Variants in UGGT2 observed in about 807,000 individuals in gnomAD.
UGGT2 encodes UDP-glucose:glycoprotein glucosyltransferase 2.
In UGGT2, 180 loss-of-function variants were observed where a neutral mutation model predicts 192.1. The observed-to-expected ratio is 0.94, with a 90% CI of 0.83 to 1.06. The LOEUF (loss-of-function observed/expected upper bound fraction) is 1.06. Among genes scored for constraint, UGGT2 ranks in the 50% least tolerant of loss-of-function variants. The pLI is 0.00. For missense variants in UGGT2, 1,849 were observed against 1,795.7 expected (o/e 1.03, Z -0.54); for synonymous variants, 580 against 591.0 (o/e 0.98, Z 0.27).
intron 4 of UGGT2, among the ~76,000 whole-genome samples, chr13:96,013,868 T>C (rs1566825317): frequency 6.6e-6 from 1 of 152,142 alleles, no homozygotes; most frequent in Non-Finnish European, 1.5e-5. Context: ...TACTACCTTA[T>C]TCAAAGACTA....
intron 15 of UGGT2, among the ~76,000 whole-genome samples, chr13:95,944,295 A>G (rs1326817553): frequency 1.3e-5 from 2 of 151,986 alleles, no homozygotes; most frequent in African/African-American, 4.8e-5. Flanking sequence ...TCTATTCTCT[A>G]AAAGATATTT....
chr13:95,940,314 T>C (rs2049625584), intron 15 of UGGT2, among the ~76,000 whole-genome samples: 1 of 151,946 alleles, frequency 6.6e-6, no homozygotes, highest in African/African-American at 2.4e-5. Flanking sequence ...ATTTATGTTT[T>C]ACTCTATTTT....
chr13:95,861,263 G>A (rs1287855808), intron 31 of UGGT2, among the ~76,000 whole-genome samples: 3 of 152,014 alleles, frequency 2.0e-5, no homozygotes, highest in African/African-American at 4.8e-5. Flanking sequence ...GTGGAACTAC[G>A]GCACAGCAAG....
At chr13:96,027,992 T>G (rs1370395297) in intron 2 of UGGT2, among the ~76,000 whole-genome samples, 1 of 152,226 alleles carries the variant, frequency 6.6e-6, no homozygotes, top group Non-Finnish European at 1.5e-5. Context: ...CAGGTACTCT[T>G]CCTTAGTCTC....
At chr13:95,888,043 G>T in intron 25 of UGGT2, 72 bp from the exon 26 acceptor site, 1 of 1,010,252 alleles carries the variant, frequency 9.9e-7, no homozygotes, top group Non-Finnish European at 1.5e-6. Context: ...TATTTACTAT[G>T]TACCAGGTAC....
chr13:95,813,203 G>C (rs769057656), intron 38 of UGGT2, among the ~76,000 whole-genome samples: 1 of 152,098 alleles, frequency 6.6e-6, no homozygotes, highest in Non-Finnish European at 1.5e-5. Flanking sequence ...AGTTTGGAGG[G>C]CTCAAAAGAA....
rs550816553 is a variant in UGGT2, at chr13:95,816,583, T to C, written c.4529-14771A>G. 8.5e-5 allele frequency among the ~76,000 whole-genome samples: 13 copies of C among 152,338 alleles called. No individual in the cohort carries two copies. In the South Asian group the frequency reaches 2.3e-3, roughly 27 times the overall value. On this transcript the variant is annotated intron_variant, in intron 38 of 38. Transcript: ENST00000376747. The stretch of plus-strand genomic sequence containing the variant: ...AATAAAAAGGAATAATCTACTGATA[T>C]ATTCAACAACATGATAAGTCTTTGG...
chr13:96,049,048 A>G (rs976440897), intron 1 of UGGT2, among the ~76,000 whole-genome samples: 1 of 152,352 alleles, frequency 6.6e-6, no homozygotes, highest in South Asian at 2.1e-4. Context: ...ATTTTAGACC[A>G]ATATCCCTGA....
intron 36 of UGGT2, among the ~76,000 whole-genome samples, chr13:95,845,377 C>A (rs1888296827): frequency 2.4e-5 from 1 of 42,184 alleles, no homozygotes; most frequent in Non-Finnish European, 6.8e-5. Context: ...GTGGTGATGA[C>A]TGGTATGCTG....
intron 38 of UGGT2, among the ~76,000 whole-genome samples, chr13:95,817,964 T>A (rs914427285): frequency 2.8e-4 from 43 of 152,274 alleles, no homozygotes; most frequent in Admixed American, 2.6e-4. Context: ...ATAAAAATTA[T>A]AATAAAAGTC....
intron 36 of UGGT2, among the ~76,000 whole-genome samples, chr13:95,850,966 T>G (rs1279175399): frequency 6.6e-6 from 1 of 152,218 alleles, no homozygotes; most frequent in East Asian, 1.9e-4. Context: ...TATGAAGGAA[T>G]AAAGACTTGC....
chr13:95,819,547 T>C, intron 38 of UGGT2, among the ~76,000 whole-genome samples: 1 of 148,274 alleles, frequency 6.7e-6, no homozygotes, highest in South Asian at 2.1e-4. Flanking sequence ...TATATGTATG[T>C]ATGTATCTAT....
Position 95,837,173 on chromosome 13 carries a change from G to T in UGGT2, c.4314C>A (p.Val1438=). 1 of 1,613,794 alleles carries T rather than the reference G, an allele frequency of 6.2e-7. No homozygotes were observed. Among genetic ancestry groups the T allele is most frequent in the Non-Finnish European group, 8.5e-7 (1 of 1,179,780 alleles). The stretch of plus-strand genomic sequence containing the variant: ...AGTCTTGAGGAAGAGACTTAATGGC[G>T]ACTTGGTAAATCATATTATTGGGGA... ...QDLPNNMIYQ[V]AIKSLPQDWL... Residue 1438 remains valine, a synonymous_variant, in exon 37 of 39, where the codon GTC becomes GTA. Transcript: ENST00000376747.
intron 38 of UGGT2, among the ~76,000 whole-genome samples, chr13:95,803,551 T>C (rs1249447474): frequency 1.3e-5 from 2 of 152,208 alleles, no homozygotes; most frequent in African/African-American, 4.8e-5. Flanking sequence ...TGATTCACCG[T>C]GCCCGGCCGA....
chr13:95,864,565 C>A (rs1448511999), intron 30 of UGGT2, among the ~76,000 whole-genome samples: 1 of 152,168 alleles, frequency 6.6e-6, no homozygotes, highest in Admixed American at 6.5e-5. Context: ...TACATTCCAC[C>A]AGCAGAGAAC....
chr13:95,845,379 G>C (rs200469015), intron 36 of UGGT2, among the ~76,000 whole-genome samples: 63 of 32,800 alleles, frequency 1.9e-3, no homozygotes, highest in Admixed American at 3.0e-3. Flanking sequence ...GGTGATGACT[G>C]GTATGCTGCC....
At chr13:95,994,756 G>A (rs1483085541) in intron 7 of UGGT2, among the ~76,000 whole-genome samples, 1 of 151,974 alleles carries the variant, frequency 6.6e-6, no homozygotes, top group Admixed American at 6.6e-5. Flanking sequence ...TTTGTATGGT[G>A]ATAGCACCAT....
chr13:95,921,313 A>G (rs1396181469), intron 20 of UGGT2, among the ~76,000 whole-genome samples: 1 of 151,346 alleles, frequency 6.6e-6, no homozygotes, highest in East Asian at 2.0e-4. Flanking sequence ...TATCTGTGTA[A>G]CAAACCTGCA....
At chr13:95,860,988 G>T (rs2140082537) in intron 31 of UGGT2, 105 bp from the exon 32 acceptor site, 1 of 532,196 alleles carries the variant, frequency 1.9e-6, no homozygotes, top group Non-Finnish European at 3.1e-6. Context: ...TTTCAAAATA[G>T]TTAAGCTATA....
Sources: gnomAD v4.1 joint callset for allele counts (sites outside exome capture counted in the v4.1 genomes callset) on GRCh38, gnomAD v4.1.1 for gene constraint, MANE v1.5 for transcripts, NCBI Gene and HGNC (gene_info 2026-07-23, HGNC 2026-07-21) for gene names.